Variants in CSMD1 observed in about 807,000 individuals in gnomAD.
CSMD1 encodes CUB and Sushi multiple domains 1, also known as CUB and sushi domain-containing protein 1.
In CSMD1, 213 loss-of-function variants were observed where a neutral mutation model predicts 417.5. The ratio of observed to expected loss-of-function variants is 0.51; its 90% confidence interval spans 0.46 to 0.57. The LOEUF (loss-of-function observed/expected upper bound fraction) is 0.57. Ranked by LOEUF, CSMD1 falls within the 20% of genes least tolerant of loss-of-function variation. CSMD1 has a pLI of 0.00. For synonymous variants in CSMD1, 2,862 were observed against 1,736.8 expected, an observed-to-expected ratio of 1.65 and a Z score of -16.11; for missense variants, 6,923 against 4,529.7, an observed-to-expected ratio of 1.53 and a Z score of -15.17.
At chr8:4,435,476 G>C (rs1184459331) in intron 2 of CSMD1, among the ~76,000 whole-genome samples, 1 of 152,144 alleles carries the variant, frequency 6.6e-6, no homozygotes, top group Admixed American at 6.6e-5. Context: ...GAAAATCTTT[G>C]GAAGCCCTGT....
intron 12 of CSMD1, among the ~76,000 whole-genome samples, chr8:3,461,250 T>A (rs754335173): frequency 1.3e-5 from 2 of 151,986 alleles, no homozygotes; most frequent in Non-Finnish European, 2.9e-5. Flanking sequence ...CCCCGAGACC[T>A]GGCATTCCTG....
At chr8:4,106,452 C>T (rs35028284) in intron 3 of CSMD1, among the ~76,000 whole-genome samples, 13,392 of 152,152 alleles carry the variant, frequency 0.088, 731 homozygotes, top group Middle Eastern at 0.13. Flanking sequence ...ACACACCAAA[C>T]TCTCAGCTTT....
intron 6 of CSMD1, among the ~76,000 whole-genome samples, chr8:3,725,846 G>C (rs912094866): frequency 1.3e-5 from 2 of 152,158 alleles, no homozygotes; most frequent in African/African-American, 4.8e-5. Flanking sequence ...TATTCCACTT[G>C]CAGTGGATAA....
intron 10 of CSMD1, among the ~76,000 whole-genome samples, chr8:3,556,516 G>GTACA (rs1799155376): frequency 7.3e-6 from 1 of 137,668 alleles, no homozygotes; most frequent in Non-Finnish European, 1.6e-5. Flanking sequence ...TTTTTCACAC[G>GTACA]CACACACACA....
chr8:3,989,113 T>G (rs1814551525), intron 5 of CSMD1, among the ~76,000 whole-genome samples: 1 of 152,218 alleles, frequency 6.6e-6, no homozygotes, highest in African/African-American at 2.4e-5. Context: ...GTGCAGCTAG[T>G]TATAGAAATT....
chr8:3,994,791 G>A (rs62501248), intron 5 of CSMD1, among the ~76,000 whole-genome samples: 7,989 of 152,184 alleles, frequency 0.052, 268 homozygotes, highest in Non-Finnish European at 0.077. Context: ...TAGCTCAGTG[G>A]GTAATTTCAC....
intron 18 of CSMD1, among the ~76,000 whole-genome samples, chr8:3,378,554 T>C (rs1185978538): frequency 6.6e-6 from 1 of 152,122 alleles, no homozygotes; most frequent in Non-Finnish European, 1.5e-5. Flanking sequence ...TCCACCATGA[T>C]CAAGTCAGCT....
chr8:3,749,991 A>G (rs539050334), intron 6 of CSMD1, among the ~76,000 whole-genome samples: 1 of 152,196 alleles, frequency 6.6e-6, no homozygotes, highest in East Asian at 1.9e-4. Context: ...TAAAACGGTC[A>G]TATCAATTCA....
intron 25 of CSMD1, among the ~76,000 whole-genome samples, chr8:3,302,923 G>C (rs73657803): frequency 1.4e-4 from 22 of 152,134 alleles, no homozygotes; most frequent in African/African-American, 5.3e-4. Flanking sequence ...TCTGACTCAG[G>C]CTCTCCTACA....
At chr8:3,821,070 C>G (rs1416224986) in intron 5 of CSMD1, among the ~76,000 whole-genome samples, 1 of 151,928 alleles carries the variant, frequency 6.6e-6, no homozygotes, top group African/African-American at 2.4e-5. Flanking sequence ...GTGTGTGCCA[C>G]CACACCTGGT....
At chr8:3,138,395 GT>G (rs1302545080) in intron 41 of CSMD1, among the ~76,000 whole-genome samples, 1 of 152,182 alleles carries the variant, frequency 6.6e-6, no homozygotes. Context: ...TCCATCCCAA[GT>G]GACATTCACT....
At chr8:3,588,171 T>G (rs2117010292) in intron 8 of CSMD1, among the ~76,000 whole-genome samples, 1 of 152,260 alleles carries the variant, frequency 6.6e-6, no homozygotes, top group South Asian at 2.1e-4. Flanking sequence ...ATTCATAGTT[T>G]TCATCATTCT....
intron 23 of CSMD1, among the ~76,000 whole-genome samples, chr8:3,319,995 C>A (rs988733029): frequency 6.6e-6 from 1 of 152,070 alleles, no homozygotes; most frequent in Non-Finnish European, 1.5e-5. Flanking sequence ...GCTTAGAAAC[C>A]AAGTGAATAG....
chr8:4,867,922 A>G (rs531921760), intron 1 of CSMD1, among the ~76,000 whole-genome samples: 1 of 150,862 alleles, frequency 6.6e-6, no homozygotes, highest in East Asian at 2.0e-4. Context: ...TCGAGCTAAG[A>G]CCCTACTGTC....
chr8:4,036,384 TC>T (rs1797619880), intron 3 of CSMD1, among the ~76,000 whole-genome samples: 1 of 152,154 alleles, frequency 6.6e-6, no homozygotes, highest in Non-Finnish European at 1.5e-5. Context: ...AATGGTATTT[TC>T]CAGCAGTGTA....
chr8:3,280,894 G>T (rs887826027), intron 26 of CSMD1, among the ~76,000 whole-genome samples: 1 of 152,066 alleles, frequency 6.6e-6, no homozygotes, highest in African/African-American at 2.4e-5. Context: ...TCTGAAGAGA[G>T]AATCATGAAT....
At chr8:3,511,826 A>C (rs1797085789) in intron 10 of CSMD1, among the ~76,000 whole-genome samples, 2 of 151,658 alleles carry the variant, frequency 1.3e-5, no homozygotes, top group African/African-American at 4.8e-5. Context: ...ACATAACAAT[A>C]AATAAAATAA....
At chr8:3,296,372 A>G (rs1168122177) in intron 25 of CSMD1, among the ~76,000 whole-genome samples, 1 of 152,070 alleles carries the variant, frequency 6.6e-6, no homozygotes, top group Non-Finnish European at 1.5e-5. Flanking sequence ...GGGACTGGGA[A>G]GGAAGAGCTG....
intron 25 of CSMD1, among the ~76,000 whole-genome samples, chr8:3,306,931 T>C (rs894727356): frequency 1.3e-5 from 2 of 152,160 alleles, no homozygotes; most frequent in Non-Finnish European, 2.9e-5. Context: ...AGAACACTTT[T>C]TGTTTAAATG....
Sources: gnomAD v4.1 joint callset for allele counts (sites outside exome capture counted in the v4.1 genomes callset) on GRCh38, gnomAD v4.1.1 for gene constraint, MANE v1.5 for transcripts, NCBI Gene and HGNC (gene_info 2026-07-23, HGNC 2026-07-21) for gene names.